Variants in DOK6 observed in about 807,000 individuals in gnomAD.
DOK6 encodes docking protein 6.
DOK6 carries 22 observed loss-of-function variants against 44.0 expected under a neutral mutation model. The observed-to-expected ratio is 0.50, with a 90% CI of 0.36 to 0.71. The LOEUF (loss-of-function observed/expected upper bound fraction) is 0.71. Ranked by LOEUF, DOK6 falls within the 30% of genes least tolerant of loss-of-function variation. The pLI, the probability that DOK6 is intolerant of heterozygous loss-of-function variation, is 0.00. For missense variants in DOK6, 340 were observed against 416.4 expected (o/e 0.82, Z 1.60); for synonymous variants, 166 against 145.5 (o/e 1.14, Z -1.01).
At chr18:69,621,096 T>C (rs1984429174) in intron 3 of DOK6, among the ~76,000 whole-genome samples, 1 of 152,072 alleles carries the variant, frequency 6.6e-6, no homozygotes, top group Non-Finnish European at 1.5e-5. Flanking sequence ...GTTGAATGCA[T>C]TCTGATTTTT....
At chr18:69,767,091 GCA>G (rs1224203900) in intron 7 of DOK6, among the ~76,000 whole-genome samples, 1 of 152,124 alleles carries the variant, frequency 6.6e-6, no homozygotes, top group Non-Finnish European at 1.5e-5. Context: ...AATTAGCCAG[GCA>G]TGGTGGCTCA....
chr18:69,499,965 T>C (rs766142851), intron 1 of DOK6, among the ~76,000 whole-genome samples: 4 of 152,192 alleles, frequency 2.6e-5, no homozygotes, highest in Non-Finnish European at 5.9e-5. Flanking sequence ...CAAGCCACTA[T>C]TGGACTTCTG....
chr18:69,804,150 G>C (rs1980986014), intron 7 of DOK6, among the ~76,000 whole-genome samples: 1 of 152,144 alleles, frequency 6.6e-6, no homozygotes, highest in Non-Finnish European at 1.5e-5. Context: ...TGACCTGGGG[G>C]AGAGCATGTT....
intron 1 of DOK6, among the ~76,000 whole-genome samples, chr18:69,419,373 A>G (rs1026398483): frequency 5.9e-5 from 9 of 152,164 alleles, no homozygotes; most frequent in African/African-American, 2.2e-4. Flanking sequence ...AAAGTCCCAA[A>G]TAAAGCATCC....
At chr18:69,764,236 A>C (rs1003752034) in intron 7 of DOK6, among the ~76,000 whole-genome samples, 2 of 152,120 alleles carry the variant, frequency 1.3e-5, no homozygotes, top group African/African-American at 2.4e-5. Flanking sequence ...TTTATAAACT[A>C]ATGGTGAGAA....
At chr18:69,812,379 C>A (rs937063783) in intron 7 of DOK6, among the ~76,000 whole-genome samples, 1 of 152,070 alleles carries the variant, frequency 6.6e-6, no homozygotes, top group Non-Finnish European at 1.5e-5. Flanking sequence ...TAAATTATAT[C>A]ATTTTTCATA....
chr18:69,791,335 C>T (rs1463073324), intron 7 of DOK6, among the ~76,000 whole-genome samples: 2 of 152,142 alleles, frequency 1.3e-5, no homozygotes, highest in African/African-American at 2.4e-5. Flanking sequence ...CCAAACTATT[C>T]CCCATAGTGG....
intron 1 of DOK6, among the ~76,000 whole-genome samples, chr18:69,511,907 T>C (rs1223089859): frequency 6.6e-6 from 1 of 152,134 alleles, no homozygotes; most frequent in Non-Finnish European, 1.5e-5. Flanking sequence ...GACTGTTAGG[T>C]AAGCATGAGA....
chr18:69,635,644 A>C (rs1984787948), intron 3 of DOK6, among the ~76,000 whole-genome samples: 1 of 152,168 alleles, frequency 6.6e-6, no homozygotes, highest in Admixed American at 6.5e-5. Flanking sequence ...AACTCTAGGC[A>C]TGTGGTAGCA....
intron 6 of DOK6, among the ~76,000 whole-genome samples, chr18:69,754,351 CAA>C (rs34141961): frequency 9.9e-5 from 12 of 121,462 alleles, no homozygotes; most frequent in Admixed American, 1.8e-4. Context: ...ACCCTATCTC[CAA>C]AAAAAAAAAA....
intron 1 of DOK6, among the ~76,000 whole-genome samples, chr18:69,475,410 G>GA (rs1391933442): frequency 2.0e-5 from 3 of 152,184 alleles, no homozygotes; most frequent in African/African-American, 7.2e-5. Context: ...TAATGAGACT[G>GA]AAAAAATCAA....
intron 1 of DOK6, among the ~76,000 whole-genome samples, chr18:69,556,836 A>C (rs60075633): frequency 0.18 from 27,352 of 152,226 alleles, 2,972 homozygotes; most frequent in Middle Eastern, 0.34. Flanking sequence ...AGCTAAACTC[A>C]TCAGTGCGTT....
chr18:69,753,532 A>G (rs1979253349), intron 6 of DOK6, among the ~76,000 whole-genome samples: 1 of 152,224 alleles, frequency 6.6e-6, no homozygotes, highest in South Asian at 2.1e-4. Flanking sequence ...TACTCTTTCT[A>G]GATGCTAACT....
At position 69,506,904 on chromosome 18, in the gene DOK6, TAC is replaced by T. The variant is rs201321232; in HGVS notation, c.67-57571_67-57570del. 8.6e-3 allele frequency among the ~76,000 whole-genome samples: 1,307 copies of T among 151,854 alleles called. 18 individuals carry two copies. The highest frequency in any genetic ancestry group is 0.029 in the African/African-American group (1,195 of 41,430). On this transcript the variant is annotated intron_variant, in intron 1 of 7. Transcript: ENST00000382713. The stretch of plus-strand genomic sequence containing the variant: ...ACACACACACACATATGTACATATA[TAC>T]ACACACACACATATGTATATTTAAA...
intron 6 of DOK6, among the ~76,000 whole-genome samples, chr18:69,747,387 A>T (rs1046145045): frequency 1.3e-5 from 2 of 152,226 alleles, no homozygotes; most frequent in African/African-American, 4.8e-5. Flanking sequence ...AAAAGCCTCA[A>T]ATCAACAAAG....
chr18:69,408,983 T>G (rs992549023), intron 1 of DOK6, among the ~76,000 whole-genome samples: 8 of 152,182 alleles, frequency 5.3e-5, no homozygotes, highest in African/African-American at 1.7e-4. Flanking sequence ...TTTGGCTGTG[T>G]CCCCACCGAA....
chr18:69,422,169 C>G (rs148411338), intron 1 of DOK6, among the ~76,000 whole-genome samples: 1 of 152,110 alleles, frequency 6.6e-6, no homozygotes, highest in Non-Finnish European at 1.5e-5. Context: ...CCCACTGGAC[C>G]GCCTTCCCTG....
At chr18:69,625,550 G>T (rs748475440) in intron 3 of DOK6, among the ~76,000 whole-genome samples, 1 of 152,164 alleles carries the variant, frequency 6.6e-6, no homozygotes, top group Non-Finnish European at 1.5e-5. Context: ...GGTATATAAG[G>T]TCAGATGCTC....
chr18:69,777,144 A>T (rs1599320204), intron 7 of DOK6, among the ~76,000 whole-genome samples: 1 of 39,598 alleles, frequency 2.5e-5, no homozygotes, highest in East Asian at 1.3e-3. Context: ...AAGTATAATA[A>T]AAAAAAAAAA....
Sources: gnomAD v4.1 joint callset for allele counts (sites outside exome capture counted in the v4.1 genomes callset) on GRCh38, gnomAD v4.1.1 for gene constraint, MANE v1.5 for transcripts, NCBI Gene and HGNC (gene_info 2026-07-23, HGNC 2026-07-21) for gene names.